RBMS3: variants seen among roughly 807,000 people sequenced by gnomAD.
RBMS3 encodes RNA binding motif single stranded interacting protein 3.
A neutral mutation model predicts 66.8 loss-of-function variants in RBMS3; 27 were observed. The ratio of observed to expected loss-of-function variants is 0.40; its 90% CI spans 0.30 to 0.56. The LOEUF (loss-of-function observed/expected upper bound fraction) is 0.56, where lower values mean the gene tolerates loss of function less well. Among genes scored for constraint, RBMS3 ranks in the 20% least tolerant of loss-of-function variants. The pLI, the probability that RBMS3 is intolerant of heterozygous loss-of-function variation, is 0.40. For synonymous variants in RBMS3, 188 were observed against 183.0 expected (o/e 1.03, Z -0.22); for missense variants, 513 against 549.5 (o/e 0.93, Z 0.66).
At chr3:29,998,584 C>T (rs923759342) in intron 14 of RBMS3, among the ~76,000 whole-genome samples, 1 of 152,098 alleles carries the variant, frequency 6.6e-6, no homozygotes, top group African/African-American at 2.4e-5. Flanking sequence ...ACCAATGGAA[C>T]AGAACAGAGC....
intron 4 of RBMS3, among the ~76,000 whole-genome samples, chr3:29,609,205 C>G (rs776361863): frequency 6.6e-6 from 1 of 151,986 alleles, no homozygotes; most frequent in Admixed American, 6.6e-5. Flanking sequence ...GTCCCTGTTT[C>G]TTCTGAGACA....
At chr3:29,814,100 T>A (rs1463014750) in intron 6 of RBMS3, among the ~76,000 whole-genome samples, 1 of 151,826 alleles carries the variant, frequency 6.6e-6, no homozygotes, top group Non-Finnish European at 1.5e-5. Context: ...CCATTCAGTA[T>A]GATAATGGCT....
intron 10 of RBMS3, among the ~76,000 whole-genome samples, chr3:29,919,373 A>G (rs780742522): frequency 6.6e-6 from 1 of 152,240 alleles, no homozygotes; most frequent in African/African-American, 2.4e-5. Flanking sequence ...AGAATTTCTC[A>G]TAAAAGAAAG....
intron 4 of RBMS3, among the ~76,000 whole-genome samples, chr3:29,678,535 T>A (rs2051348756): frequency 6.6e-6 from 1 of 152,130 alleles, no homozygotes; most frequent in Admixed American, 6.5e-5. Context: ...TGGCTTTAGT[T>A]GCATCAGTAG....
At chr3:29,671,497 G>T (rs139711887) in intron 4 of RBMS3, among the ~76,000 whole-genome samples, 5 of 152,158 alleles carry the variant, frequency 3.3e-5, no homozygotes, top group African/African-American at 1.2e-4. Flanking sequence ...TCTAAAGCAG[G>T]ATGTTCGAAC....
intron 4 of RBMS3, among the ~76,000 whole-genome samples, chr3:29,601,058 T>A (rs1369018578): frequency 3.9e-5 from 6 of 152,052 alleles, no homozygotes; most frequent in Admixed American, 6.6e-5. Flanking sequence ...GATCAAATGC[T>A]GAGGCAAATC....
intron 1 of RBMS3, among the ~76,000 whole-genome samples, chr3:29,325,972 G>C (rs4991440): frequency 0.4 from 61,268 of 151,864 alleles, 13,284 homozygotes; most frequent in East Asian, 0.79. Context: ...ATAGGACTAT[G>C]AAGTGTGGCA....
chr3:29,765,390 A>C (rs1421112244), intron 6 of RBMS3, among the ~76,000 whole-genome samples: 6 of 151,974 alleles, frequency 3.9e-5, no homozygotes, highest in African/African-American at 1.4e-4. Context: ...TCAGATATTT[A>C]TACTTTTTTT....
chr3:29,679,760 A>G (rs2051408658), intron 4 of RBMS3, among the ~76,000 whole-genome samples: 1 of 126,500 alleles, frequency 7.9e-6, no homozygotes, highest in Admixed American at 8.1e-5. Flanking sequence ...AATTTATACT[A>G]CTTGACTGTA....
intron 14 of RBMS3, among the ~76,000 whole-genome samples, chr3:29,998,337 T>A (rs1699387569): frequency 6.6e-6 from 1 of 152,324 alleles, no homozygotes; most frequent in African/African-American, 2.4e-5. Flanking sequence ...TTGGCCATAC[T>A]GCCCAAGGTA....
intron 4 of RBMS3, among the ~76,000 whole-genome samples, chr3:29,699,329 A>C (rs2052435878): frequency 6.6e-6 from 1 of 152,044 alleles, no homozygotes; most frequent in African/African-American, 2.4e-5. Flanking sequence ...TTTGTATTTT[A>C]AAGTAGAGTC....
At chr3:29,897,538 C>CA in intron 9 of RBMS3, 63 bp downstream of exon 9, 2 of 1,423,594 alleles carry the variant, frequency 1.4e-6, no homozygotes, top group Non-Finnish European at 2.0e-6. Flanking sequence ...TATTTAGAGG[C>CA]AAAAAGGACA....
In RBMS3 at chr3:29,305,263, A is replaced by G. The variant is rs71319084; in HGVS notation, c.75+23507A>G. 3.6e-3 allele frequency among the ~76,000 whole-genome samples: 540 copies of G among 152,058 alleles called. 1 individual carries two copies. The highest frequency in any genetic ancestry group is 5.1e-3 in the Non-Finnish European group (348 of 67,946). ...TTTTACCATATTTTAATTTCTTGCA[A>G]TGCAATTTCCTATTGTTACTGGATA... is the stretch of plus-strand genomic sequence containing the variant. On this transcript the variant is annotated intron_variant, in intron 1 of 14. Coordinates refer to ENST00000383767, the MANE Select transcript of RBMS3 (RefSeq NM_001003793.3).
intron 4 of RBMS3, among the ~76,000 whole-genome samples, chr3:29,737,160 A>G (rs1282133262): frequency 6.6e-6 from 1 of 152,062 alleles, no homozygotes; most frequent in Non-Finnish European, 1.5e-5. Flanking sequence ...TATTTTTAGT[A>G]GAGATGGGGT....
At chr3:29,306,878 A>T (rs773273672) in intron 1 of RBMS3, among the ~76,000 whole-genome samples, 1 of 151,844 alleles carries the variant, frequency 6.6e-6, no homozygotes, top group South Asian at 2.1e-4. Context: ...AAGTCTTCTG[A>T]TATTAAAATT....
intron 6 of RBMS3, among the ~76,000 whole-genome samples, chr3:29,822,607 T>G (rs1189437631): frequency 4.6e-5 from 7 of 152,152 alleles, no homozygotes; most frequent in African/African-American, 1.7e-4. Context: ...TTTCAATGTA[T>G]CCAATGACAA....
intron 1 of RBMS3, among the ~76,000 whole-genome samples, chr3:29,395,968 T>C (rs556537012): frequency 1.3e-5 from 2 of 152,318 alleles, no homozygotes; most frequent in South Asian, 2.1e-4. Context: ...AGGAGCAAGA[T>C]ATTTGCATAG....
At chr3:29,734,859 A>G (rs1396754374) in intron 4 of RBMS3, among the ~76,000 whole-genome samples, 1 of 152,164 alleles carries the variant, frequency 6.6e-6, no homozygotes, top group East Asian at 1.9e-4. Flanking sequence ...TTTTCTATTA[A>G]TTTATTTTTC....
At chr3:29,408,540 C>T (rs1408574255) in intron 1 of RBMS3, among the ~76,000 whole-genome samples, 1 of 152,076 alleles carries the variant, frequency 6.6e-6, no homozygotes, top group South Asian at 2.1e-4. Context: ...ACAGAATAGA[C>T]ATTTGATAAT....
Sources: gnomAD v4.1 joint callset for allele counts (sites outside exome capture counted in the v4.1 genomes callset) on GRCh38, gnomAD v4.1.1 for gene constraint, MANE v1.5 for transcripts, NCBI Gene and HGNC (gene_info 2026-07-23, HGNC 2026-07-21) for gene names.